The following RBPMS2 variants were observed in gnomAD, a reference collection of about 807,000 sequenced individuals.
RBPMS2 encodes RNA-binding protein with multiple splicing 2.
Under a neutral mutation model 25.7 loss-of-function variants are expected in RBPMS2, and 14 were observed. That is an observed-to-expected ratio of 0.55 (90% confidence interval 0.36 to 0.85). RBPMS2 has a LOEUF of 0.85. RBPMS2 is among the 40% of genes least tolerant of loss of function. RBPMS2 has a pLI of 0.01. For synonymous variants in RBPMS2, 127 were observed against 115.6 expected, an observed-to-expected ratio of 1.10 and a Z score of -0.63; for missense variants, 252 against 283.4, an observed-to-expected ratio of 0.89 and a Z score of 0.80.
intron 6 of RBPMS2, among the ~76,000 whole-genome samples, chr15:64,744,651 C>A (rs2083597592): frequency 6.6e-6 from 1 of 151,230 alleles, no homozygotes; most frequent in Non-Finnish European, 1.5e-5. Flanking sequence ...TATCAGTAAG[C>A]AAAACTGTAT....
At chr15:64,756,937 G>C (rs983926380) in intron 1 of RBPMS2, among the ~76,000 whole-genome samples, 1 of 148,214 alleles carries the variant, frequency 6.7e-6, no homozygotes, top group African/African-American at 2.5e-5. Context: ...CAAAGTACTG[G>C]CATTATAAGT....
intron 1 of RBPMS2, among the ~76,000 whole-genome samples, chr15:64,774,835 C>T (rs1324345968): frequency 6.6e-6 from 1 of 151,492 alleles, no homozygotes; most frequent in Non-Finnish European, 1.5e-5. Context: ...CGCTCCGCTC[C>T]GTGCCGCCGA....
chr15:64,769,661 A>AAAAT (rs939474760), intron 1 of RBPMS2, among the ~76,000 whole-genome samples: 12 of 152,028 alleles, frequency 7.9e-5, no homozygotes, highest in African/African-American at 2.7e-4. Flanking sequence ...CTCCATCTCA[A>AAAAT]AAATAAATAA....
intron 1 of RBPMS2, among the ~76,000 whole-genome samples, chr15:64,773,925 C>G (rs2083909427): frequency 6.6e-6 from 1 of 152,198 alleles, no homozygotes; most frequent in Admixed American, 6.5e-5. Flanking sequence ...GCCTCTGGAG[C>G]CCAAACAAAT....
chr15:64,769,215 C>T (rs148776663), intron 1 of RBPMS2, among the ~76,000 whole-genome samples: 1,919 of 150,466 alleles, frequency 0.013, 32 homozygotes, highest in African/African-American at 0.045. Flanking sequence ...GCAATCCCAG[C>T]ACTTTGGGAG....
intron 1 of RBPMS2, among the ~76,000 whole-genome samples, chr15:64,767,671 G>C (rs896807683): frequency 1.3e-5 from 2 of 152,066 alleles, no homozygotes; most frequent in African/African-American, 4.8e-5. Context: ...CCAGCCTTGA[G>C]TGGGATTTTT....
At chr15:64,774,961 C>T (rs1226717890) in intron 1 of RBPMS2, among the ~76,000 whole-genome samples, 4 of 150,906 alleles carry the variant, frequency 2.7e-5, no homozygotes, top group African/African-American at 9.7e-5. Flanking sequence ...CGCATCTCGC[C>T]CACCGCGGGA....
intron 1 of RBPMS2, among the ~76,000 whole-genome samples, chr15:64,773,391 T>C (rs952078202): frequency 3.3e-5 from 5 of 152,208 alleles, no homozygotes; most frequent in African/African-American, 1.2e-4. Context: ...AACCCTTTGT[T>C]CTGGACCTCT....
Position 64,748,428 on chromosome 15 carries a change from G to A in RBPMS2, c.558C>T (p.Leu186=). ...YPTATAAAAA[L]HAQVRWYPSS... ...ACCTTAAAGGGCTTACCTGAGCGTG[G>A]AGGGCGGCGGCAGCGGCAGTGGCAG... Residue 186 remains leucine (L), a synonymous_variant, in exon 6 of 8, where the codon CTC becomes CTT. Coordinates refer to ENST00000300069, the MANE Select transcript of RBPMS2 (RefSeq NM_194272.3). 6.2e-7 allele frequency: 1 copy of A among 1,613,992 alleles called. No individual in the cohort carries two copies. Among genetic ancestry groups the A allele is most frequent in the Non-Finnish European group, 8.5e-7 (1 of 1,180,000 alleles).
At chr15:64,746,963 T>C (rs1033291165) in intron 6 of RBPMS2, among the ~76,000 whole-genome samples, 1 of 152,216 alleles carries the variant, frequency 6.6e-6, no homozygotes, top group African/African-American at 2.4e-5. Context: ...ATCAAGTCAC[T>C]GCCCAGGTCA....
chr15:64,754,266 C>T (rs552033288), intron 1 of RBPMS2, among the ~76,000 whole-genome samples: 7 of 151,902 alleles, frequency 4.6e-5, no homozygotes, highest in South Asian at 2.1e-4. Context: ...GAGCCAAGAT[C>T]GCACCACTGC....
intron 1 of RBPMS2, among the ~76,000 whole-genome samples, chr15:64,769,168 A>T (rs1328033235): frequency 6.7e-6 from 1 of 150,156 alleles, no homozygotes; most frequent in Admixed American, 6.6e-5. Context: ...TAGATTTTTT[A>T]AAAAAGAATT....
At chr15:64,754,887 A>T (rs1282089829) in intron 1 of RBPMS2, among the ~76,000 whole-genome samples, 1 of 152,108 alleles carries the variant, frequency 6.6e-6, no homozygotes, top group African/African-American at 2.4e-5. Flanking sequence ...CAGCGTCCTG[A>T]TGGAGGGACC....
In RBPMS2 at chr15:64,740,681, C is replaced by A; in HGVS notation, c.*327G>T. The A allele has an allele frequency of 6.3e-6, 1 of 158,626 alleles. No individual in the cohort carries two copies. Among genetic ancestry groups the A allele is most frequent in the Non-Finnish European group, 1.4e-5 (1 of 71,352 alleles). The allele number at this position is 158,626 out of a possible 1,614,324, so 9.8% of individuals were successfully genotyped here. The stretch of plus-strand genomic sequence containing the variant: ...TGCAAAATTAAACACCTCACTTCCT[C>A]GAGGGGGAGCTACAGAAGCAAGTTT... On this transcript the variant is annotated 3_prime_UTR_variant, in exon 8 of 8. Transcript: ENST00000300069.
chr15:64,744,377 G>A (rs912620216), intron 6 of RBPMS2, among the ~76,000 whole-genome samples: 25 of 151,762 alleles, frequency 1.6e-4, no homozygotes, highest in Non-Finnish European at 3.1e-4. Flanking sequence ...TGACCAACAC[G>A]GAGAAACCCC....
At chr15:64,754,904 G>A (rs565726480) in intron 1 of RBPMS2, among the ~76,000 whole-genome samples, 3 of 152,198 alleles carry the variant, frequency 2.0e-5, no homozygotes, top group Non-Finnish European at 1.5e-5. Context: ...GACCTAGATC[G>A]GTACCACTCC....
intron 1 of RBPMS2, among the ~76,000 whole-genome samples, chr15:64,763,108 C>T (rs2083807421): frequency 6.6e-6 from 1 of 152,050 alleles, no homozygotes; most frequent in Non-Finnish European, 1.5e-5. Flanking sequence ...CTGGGCCCCG[C>T]GCTTAGGCTT....
intron 4 of RBPMS2, 105 bp from the exon 5 acceptor site, chr15:64,749,255 T>G: frequency 7.0e-7 from 1 of 1,428,454 alleles, no homozygotes; most frequent in Middle Eastern, 1.8e-4. Context: ...CTCGAAGACC[T>G]GCCCACACGG....
At chr15:64,741,048 G>A (rs1485658529) in intron 7 of RBPMS2, 48 bp from the exon 8 acceptor site, 1 of 695,332 alleles carries the variant, frequency 1.4e-6, no homozygotes, top group South Asian at 1.8e-5. Flanking sequence ...TGGGACTAGA[G>A]CTAAAGCCAG....
Sources: allele counts gnomAD v4.1 joint callset (sites outside exome capture counted in the v4.1 genomes callset), GRCh38; gene constraint gnomAD v4.1.1; transcripts MANE v1.5; gene names NCBI Gene and HGNC (gene_info 2026-07-23, HGNC 2026-07-21).